The following XKR6 variants were observed in gnomAD, a reference collection of about 807,000 sequenced individuals.
The protein encoded by XKR6 is XK-related protein 6.
In XKR6, 22 loss-of-function variants were observed where a neutral mutation model predicts 56.7. The ratio of observed to expected loss-of-function variants is 0.39; its 90% CI spans 0.28 to 0.55. The LOEUF (loss-of-function observed/expected upper bound fraction) is 0.55, where lower values mean the gene tolerates loss of function less well. Ranked by LOEUF, XKR6 falls within the 20% of genes least tolerant of loss-of-function variation. XKR6 has a pLI of 0.66. For missense variants in XKR6, 852 were observed against 889.0 expected (o/e 0.96, Z 0.53); for synonymous variants, 524 against 387.8 (o/e 1.35, Z -4.13).
chr8:10,938,194 T>C (rs545947854), intron 1 of XKR6, among the ~76,000 whole-genome samples: 12 of 152,310 alleles, frequency 7.9e-5, no homozygotes, highest in Non-Finnish European at 1.5e-4. Context: ...TTTCTTTGAC[T>C]CGGAAAGGGA....
intron 1 of XKR6, among the ~76,000 whole-genome samples, chr8:10,975,908 C>T (rs931230896): frequency 3.3e-5 from 5 of 152,236 alleles, no homozygotes; most frequent in African/African-American, 1.2e-4. Context: ...CACGCAGTGG[C>T]TCACGCCTGT....
chr8:10,932,351 AG>A (rs1801075830), intron 1 of XKR6, among the ~76,000 whole-genome samples: 1 of 152,164 alleles, frequency 6.6e-6, no homozygotes. Context: ...TTCCCTTTCT[AG>A]GTATTCTAGA....
intron 1 of XKR6, among the ~76,000 whole-genome samples, chr8:11,141,614 G>T (rs1392868793): frequency 6.6e-6 from 1 of 152,180 alleles, no homozygotes; most frequent in Non-Finnish European, 1.5e-5. Context: ...AGTGCTCTTG[G>T]CTCAGCAACT....
chr8:10,931,115 T>G (rs1230288889), intron 1 of XKR6, among the ~76,000 whole-genome samples: 2 of 152,180 alleles, frequency 1.3e-5, no homozygotes, highest in African/African-American at 2.4e-5. Context: ...CCTGTAAAAG[T>G]CAATTGCGTT....
At chr8:10,968,105 G>A (rs754529463) in intron 1 of XKR6, among the ~76,000 whole-genome samples, 2 of 152,128 alleles carry the variant, frequency 1.3e-5, no homozygotes, top group Non-Finnish European at 2.9e-5. Flanking sequence ...TGGTACCCAG[G>A]GTCTGTCCCC....
At chr8:10,953,296 G>T (rs1801783901) in intron 1 of XKR6, among the ~76,000 whole-genome samples, 1 of 152,186 alleles carries the variant, frequency 6.6e-6, no homozygotes, top group Non-Finnish European at 1.5e-5. Flanking sequence ...CTCCTCGAGA[G>T]AGTGAGTGAA....
chr8:10,912,429 G>A (rs1277198861), intron 2 of XKR6, among the ~76,000 whole-genome samples: 3 of 123,606 alleles, frequency 2.4e-5, no homozygotes, highest in Non-Finnish European at 3.3e-5. Context: ...ATATATATAT[G>A]AGAGACGATA....
At chr8:10,937,712 C>T (rs866676569) in intron 1 of XKR6, among the ~76,000 whole-genome samples, 123 of 144,732 alleles carry the variant, frequency 8.5e-4, no homozygotes, top group Non-Finnish European at 8.8e-4. Flanking sequence ...TTAGGCTGCT[C>T]GGGGGTCAGG....
intron 1 of XKR6, among the ~76,000 whole-genome samples, chr8:10,963,807 G>A (rs1802135065): frequency 6.6e-6 from 1 of 152,166 alleles, no homozygotes; most frequent in Non-Finnish European, 1.5e-5. Context: ...GCCTCCCAAA[G>A]TGCTGAGATT....
chr8:10,902,261 C>G (rs1453033624), intron 2 of XKR6, among the ~76,000 whole-genome samples: 1 of 152,238 alleles, frequency 6.6e-6, no homozygotes, highest in African/African-American at 2.4e-5. Flanking sequence ...TGCTGGCGAG[C>G]TAATGGCCAG....
chr8:11,042,627 T>C (rs1799313605), intron 1 of XKR6, among the ~76,000 whole-genome samples: 2 of 152,214 alleles, frequency 1.3e-5, no homozygotes, highest in African/African-American at 4.8e-5. Context: ...TTCATGGCAA[T>C]ATGAAAATGG....
Position 11,201,418 on chromosome 8 carries a change from G to T in XKR6, c.-79C>A. Reference sequence around the variant, plus strand: ...GGGAAGAAGGCAGGGAACGGGGAGGGGGGGAAACGAATGGAGAGGAAGGGG... The same window carrying T: ...GGGAAGAAGGCAGGGAACGGGGAGGTGGGGAAACGAATGGAGAGGAAGGGG... On this transcript the variant is annotated 5_prime_UTR_variant, in exon 1 of 3. Coordinates refer to ENST00000416569, the MANE Select transcript of XKR6 (RefSeq NM_173683.4). 1 of 474,004 alleles carries T rather than the reference G, an allele frequency of 2.1e-6. No individual in the cohort carries two copies. The highest frequency in any genetic ancestry group is 2.6e-5 in the South Asian group (1 of 38,288). 29.4% of individuals were successfully genotyped at this position (474,004 alleles called of 1,614,324 possible).
intron 1 of XKR6, among the ~76,000 whole-genome samples, chr8:11,037,599 C>A (rs965296029): frequency 1.3e-5 from 2 of 152,230 alleles, no homozygotes; most frequent in African/African-American, 4.8e-5. Context: ...GTGGCTCACG[C>A]CTGTAATCCC....
intron 1 of XKR6, among the ~76,000 whole-genome samples, chr8:11,099,677 G>C (rs1461680696): frequency 6.6e-6 from 1 of 152,226 alleles, no homozygotes; most frequent in Admixed American, 6.5e-5. Flanking sequence ...TATAGGTATT[G>C]AATTTCTAAT....
intron 1 of XKR6, among the ~76,000 whole-genome samples, chr8:10,994,398 G>T (rs532547879): frequency 6.6e-6 from 1 of 152,364 alleles, no homozygotes; most frequent in East Asian, 1.9e-4. Flanking sequence ...GCGCTGGAGG[G>T]CTTGGGCTTA....
chr8:10,970,367 C>G (rs910575415), intron 1 of XKR6, among the ~76,000 whole-genome samples: 10 of 152,158 alleles, frequency 6.6e-5, no homozygotes, highest in Admixed American at 2.0e-4. Flanking sequence ...TTCTTGGATC[C>G]TTTCTGATCT....
intron 1 of XKR6, among the ~76,000 whole-genome samples, chr8:10,928,338 AG>A (rs1404368418): frequency 6.6e-6 from 1 of 152,202 alleles, no homozygotes; most frequent in African/African-American, 2.4e-5. Context: ...TCGAGGCTCT[AG>A]GATTCTTCCT....
rs754701725 is a variant in XKR6 at position 11,201,268 on chromosome 8, C to G, written c.72G>C (p.Val24=). 32 of 1,576,984 alleles carry G rather than the reference C, an allele frequency of 2.0e-5. No individual in the cohort carries two copies. The highest frequency in any genetic ancestry group is 2.4e-5 in the Non-Finnish European group (28 of 1,171,882). Residue 24 remains valine, a synonymous_variant, in exon 1 of 3, where the codon GTG becomes GTC. Transcript: ENST00000416569. ...CCCCGTCCTCCTCGCCGCCGCTGCC[C>G]ACCGCCTCGTCCAGGTTGTGCAGCT... The part of the protein sequence containing the change: ...FAQLHNLDEA[V]GSGGEEDGEP...
intron 1 of XKR6, among the ~76,000 whole-genome samples, chr8:10,964,749 T>C (rs1563315773): frequency 6.6e-6 from 1 of 152,220 alleles, no homozygotes; most frequent in Admixed American, 6.5e-5. Flanking sequence ...ATCCCTTGAT[T>C]TCCCCAGCAG....
Sources: allele counts gnomAD v4.1 joint callset (sites outside exome capture counted in the v4.1 genomes callset), GRCh38; gene constraint gnomAD v4.1.1; transcripts MANE v1.5; gene names NCBI Gene and HGNC (gene_info 2026-07-23, HGNC 2026-07-21).